NXPH2: variants seen among roughly 807,000 people sequenced by gnomAD.
The protein encoded by NXPH2 is neurexophilin-2.
In NXPH2, 5 loss-of-function variants were observed where a neutral mutation model predicts 19.8. That is an observed-to-expected ratio of 0.25 (90% confidence interval 0.13 to 0.53). The LOEUF is 0.53. Among genes scored for constraint, NXPH2 ranks in the 20% least tolerant of loss-of-function variants. The pLI is 0.96. For missense variants in NXPH2, 289 were observed against 322.8 expected (o/e 0.90, Z 0.80); for synonymous variants, 154 against 127.4 (o/e 1.21, Z -1.41).
intron 1 of NXPH2, among the ~76,000 whole-genome samples, chr2:138,723,317 A>G (rs1681308568): frequency 6.6e-6 from 1 of 152,218 alleles, no homozygotes; most frequent in Non-Finnish European, 1.5e-5. Context: ...TTCATTGAAG[A>G]TTATACATAC....
intron 1 of NXPH2, among the ~76,000 whole-genome samples, chr2:138,760,401 A>G (rs1187723306): frequency 6.6e-6 from 1 of 152,226 alleles, no homozygotes; most frequent in Non-Finnish European, 1.5e-5. Flanking sequence ...ACAGGTTAGA[A>G]ACATGCTTCC....
chr2:138,711,308 T>G (rs2104987962), intron 1 of NXPH2, among the ~76,000 whole-genome samples: 1 of 152,006 alleles, frequency 6.6e-6, no homozygotes, highest in African/African-American at 2.4e-5. Flanking sequence ...GCCCGGCTAA[T>G]TTTTGTATTT....
chr2:138,745,495 G>GA (rs1434989881), intron 1 of NXPH2, among the ~76,000 whole-genome samples: 7 of 17,608 alleles, frequency 4.0e-4, no homozygotes, highest in Admixed American at 3.8e-3. Flanking sequence ...TTTTTTGGCG[G>GA]GGGGGGGGGG....
intron 1 of NXPH2, among the ~76,000 whole-genome samples, chr2:138,731,508 C>T (rs1237717018): frequency 6.6e-6 from 1 of 151,966 alleles, no homozygotes; most frequent in Non-Finnish European, 1.5e-5. Flanking sequence ...TGGGCTTTGA[C>T]AATTTAAGGT....
At chr2:138,758,281 C>T (rs535284281) in intron 1 of NXPH2, among the ~76,000 whole-genome samples, 1 of 152,078 alleles carries the variant, frequency 6.6e-6, no homozygotes, top group African/African-American at 2.4e-5. Flanking sequence ...TGAGGATCTA[C>T]CCAGGATCCT....
At chr2:138,733,538 G>C (rs1681484344) in intron 1 of NXPH2, among the ~76,000 whole-genome samples, 1 of 152,296 alleles carries the variant, frequency 6.6e-6, no homozygotes, top group Non-Finnish European at 1.5e-5. Flanking sequence ...TGAATGGAGA[G>C]ACATGTGAAG....
At chr2:138,744,819 G>A (rs768320319) in intron 1 of NXPH2, among the ~76,000 whole-genome samples, 6 of 152,178 alleles carry the variant, frequency 3.9e-5, no homozygotes, top group African/African-American at 1.4e-4. Flanking sequence ...CTTCTTCCCT[G>A]CCTAGACAAA....
intron 1 of NXPH2, among the ~76,000 whole-genome samples, chr2:138,756,212 T>G (rs1681906405): frequency 6.6e-6 from 1 of 152,124 alleles, no homozygotes; most frequent in African/African-American, 2.4e-5. Flanking sequence ...TTTTCTTGTC[T>G]TATTGAACTA....
chr2:138,745,024 G>A, intron 1 of NXPH2, among the ~76,000 whole-genome samples: 1 of 152,290 alleles, frequency 6.6e-6, no homozygotes, highest in East Asian at 1.9e-4. Flanking sequence ...GGAAACAGCT[G>A]CAGCTGCTGC....
Position 138,671,333 on chromosome 2 carries a change from G to A in NXPH2, c.384C>T (p.Leu128=). The A allele has an allele frequency of 1.2e-6, 2 of 1,613,858 alleles. No homozygotes were observed. Among genetic ancestry groups the A allele is most frequent in the South Asian group, 2.2e-5 (2 of 91,060 alleles). The change falls in exon 2 of 2, where the codon CTC becomes CTT. Residue 128 remains leucine (L), a synonymous_variant. Transcript: ENST00000272641. ...GGTCAACAATTTTCCCTGTGATGAG[G>A]AGATTGAGTTTGACAGTTTTAATGT... ...HSNIKTVKLN[L]LITGKIVDHG... is the part of the protein sequence containing the mutation.
At chr2:138,683,192 C>A (rs17597969) in intron 1 of NXPH2, among the ~76,000 whole-genome samples, 6,419 of 152,176 alleles carry the variant, frequency 0.042, 198 homozygotes, top group Non-Finnish European at 0.06. Context: ...GACTGAAATA[C>A]TGCTTTTGTT....
At chr2:138,760,277 C>G (rs964551406) in intron 1 of NXPH2, among the ~76,000 whole-genome samples, 8 of 152,164 alleles carry the variant, frequency 5.3e-5, no homozygotes, top group African/African-American at 1.7e-4. Context: ...CACTCATCTG[C>G]AAACCGTCTC....
At chr2:138,743,895 G>A (rs184032545) in intron 1 of NXPH2, among the ~76,000 whole-genome samples, 406 of 151,586 alleles carry the variant, frequency 2.7e-3, no homozygotes, top group African/African-American at 9.4e-3. Context: ...CATAGCTACT[G>A]GAGAGGCTGA....
At chr2:138,778,564 G>A (rs115408196) in intron 1 of NXPH2, among the ~76,000 whole-genome samples, 4 of 152,176 alleles carry the variant, frequency 2.6e-5, no homozygotes, top group African/African-American at 9.6e-5. Context: ...CACTGCTTAC[G>A]GAGCAGATAC....
intron 1 of NXPH2, among the ~76,000 whole-genome samples, chr2:138,702,356 G>C (rs1004241900): frequency 6.6e-6 from 1 of 152,184 alleles, no homozygotes; most frequent in Non-Finnish European, 1.5e-5. Flanking sequence ...CTTGGCCCAA[G>C]TGATCCTCTC....
intron 1 of NXPH2, among the ~76,000 whole-genome samples, chr2:138,695,173 A>C (rs1008727322): frequency 6.6e-6 from 1 of 152,182 alleles, no homozygotes; most frequent in African/African-American, 2.4e-5. Flanking sequence ...AATAAGTTGC[A>C]TAAATAGGAA....
intron 1 of NXPH2, among the ~76,000 whole-genome samples, chr2:138,695,934 A>C (rs1680822628): frequency 6.6e-6 from 1 of 152,156 alleles, no homozygotes; most frequent in Non-Finnish European, 1.5e-5. Flanking sequence ...GGATCCCTTG[A>C]GGACTGGAGT....
At chr2:138,681,051 A>G (rs1289849218) in intron 1 of NXPH2, among the ~76,000 whole-genome samples, 1 of 152,014 alleles carries the variant, frequency 6.6e-6, no homozygotes, top group Admixed American at 6.6e-5. Context: ...TCACCTTTCT[A>G]CCTCCAAAGA....
intron 1 of NXPH2, among the ~76,000 whole-genome samples, chr2:138,705,331 A>G (rs979167568): frequency 1.1e-4 from 17 of 152,166 alleles, no homozygotes; most frequent in Non-Finnish European, 4.4e-5. Context: ...TGGAATTCTC[A>G]TATTAAATAT....
Sources: allele counts gnomAD v4.1 joint callset (sites outside exome capture counted in the v4.1 genomes callset), GRCh38; gene constraint gnomAD v4.1.1; transcripts MANE v1.5; gene names NCBI Gene and HGNC (gene_info 2026-07-23, HGNC 2026-07-21).